The following BCAS3 variants were observed in gnomAD, a reference collection of about 807,000 sequenced individuals.
The protein encoded by BCAS3 is BCAS3 microtubule associated cell migration factor.
In BCAS3, 53 loss-of-function variants were observed where a neutral mutation model predicts 116.1. The ratio of observed to expected loss-of-function variants is 0.46; its 90% confidence interval spans 0.37 to 0.57. BCAS3 has a LOEUF of 0.57. Ranked by LOEUF, BCAS3 falls within the 20% of genes least tolerant of loss-of-function variation. BCAS3 has a pLI of 0.00. For missense variants in BCAS3, 917 were observed against 1,165.4 expected (o/e 0.79, Z 3.10); for synonymous variants, 391 against 408.2 (o/e 0.96, Z 0.51).
At position 61,069,834 on chromosome 17, in the gene BCAS3, T is replaced by TAA. The variant is rs746344496; in HGVS notation, c.2030-5066_2030-5065dup. The TAA allele has an allele frequency of 8.9e-3, 5,353 of 603,586 alleles. 64 individuals are homozygous for TAA. The highest frequency in any genetic ancestry group is 0.051 in the African/African-American group (1,892 of 37,370). 37.4% of individuals were successfully genotyped at this position (603,586 alleles called of 1,614,324 possible). ...CTGGGTAACAGAGTGAGACCCTGTG[T>TAA]AAAAAAAAAAAAAAAAAAAAAGACC... On this transcript the variant is annotated intron_variant, in intron 19 of 23. Coordinates refer to ENST00000407086, the MANE Select transcript of BCAS3 (RefSeq NM_017679.5).
chr17:61,110,327 G>A (rs1019149618), intron 22 of BCAS3, among the ~76,000 whole-genome samples: 1 of 152,212 alleles, frequency 6.6e-6, no homozygotes, highest in Non-Finnish European at 1.5e-5. Context: ...TTCCATCTGA[G>A]GTACCGGGTT....
At position 61,023,875 on chromosome 17, in the gene BCAS3, G is replaced by A. The variant is rs889416490; in HGVS notation, c.1637+7974G>A. 7.2e-5 allele frequency among the ~76,000 whole-genome samples: 11 copies of A among 152,070 alleles called. No individual in the cohort carries two copies. Among genetic ancestry groups the A allele is most frequent in the African/African-American group, 2.7e-4 (11 of 41,392 alleles). ...AAAGGATATAATTATGACAAATTGA[G>A]TAGGTTTTATATGGCATATTTGTTA... On this transcript the variant is annotated intron_variant, in intron 16 of 23. Coordinates refer to ENST00000407086, the MANE Select transcript of BCAS3 (RefSeq NM_017679.5). This position sits in a 1 kb window ranked among gnomAD's most constrained non-coding sequence, Gnocchi z 4.8.
rs974443532 is a variant in BCAS3, at chr17:61,388,438, A to T, written c.2594-3539A>T. ...TCCATCTCTGGGACCCCCAAGACAG[A>T]TTGGTCCCCAGCCCCTACACATGCA... On this transcript the variant is annotated intron_variant, in intron 23 of 23. Coordinates refer to ENST00000407086, the MANE Select transcript of BCAS3 (RefSeq NM_017679.5). The surrounding 1 kb of genome is among the most constrained non-coding windows in gnomAD (Gnocchi z 6.5). The T allele has an allele frequency of 3.5e-6, 2 of 577,268 alleles. No individual in the cohort carries two copies. Among genetic ancestry groups the T allele is most frequent in the East Asian group, 6.0e-5 (2 of 33,328 alleles). The allele number at this position is 577,268 out of a possible 1,614,324, so 35.8% of individuals were successfully genotyped here.
rs1352046120 is a variant in BCAS3 at position 61,302,609 on chromosome 17, T to C, written c.2426-65718T>C. Among the ~76,000 whole-genome samples, 2 of 152,212 alleles carry C rather than the reference T, an allele frequency of 1.3e-5. No individual in the cohort carries two copies. The highest frequency in any genetic ancestry group is 2.9e-5 in the Non-Finnish European group (2 of 68,038). ...AATATAATTACAAGGTGCATATCAT[T>C]ATTACTCCCATTTTCTTGCTAAGGA... is the stretch of plus-strand genomic sequence containing the variant. On this transcript the variant is annotated intron_variant, in intron 22 of 23. Coordinates refer to ENST00000407086, the MANE Select transcript of BCAS3 (RefSeq NM_017679.5). The surrounding 1 kb of genome is among the most constrained non-coding windows in gnomAD (Gnocchi z 4.4).
intron 19 of BCAS3, among the ~76,000 whole-genome samples, chr17:61,042,697 G>A (rs1288241053): frequency 6.6e-6 from 1 of 150,936 alleles, no homozygotes; most frequent in Admixed American, 6.6e-5. Context: ...AGACCAGCCT[G>A]GCCATCATGG....
chr17:61,386,982 C>G (rs1420435182), intron 23 of BCAS3, among the ~76,000 whole-genome samples: 1 of 152,080 alleles, frequency 6.6e-6, no homozygotes, highest in Non-Finnish European at 1.5e-5. Context: ...CTGTATTGCC[C>G]AAGATGGTCT....
chr17:60,704,047 T>C (rs780463826), intron 4 of BCAS3, among the ~76,000 whole-genome samples: 28 of 151,934 alleles, frequency 1.8e-4, no homozygotes, highest in Non-Finnish European at 3.4e-4. Context: ...AACTGGAGAA[T>C]TTAATGCCAG....
chr17:60,926,308 A>G (rs968166829), intron 13 of BCAS3, among the ~76,000 whole-genome samples: 1 of 152,200 alleles, frequency 6.6e-6, no homozygotes, highest in Non-Finnish European at 1.5e-5. Flanking sequence ...GGAGCATGCT[A>G]CTTTTAATCT....
chr17:60,900,395 TTGGGGA>T (rs2057807490), intron 10 of BCAS3, among the ~76,000 whole-genome samples: 1 of 151,858 alleles, frequency 6.6e-6, no homozygotes, highest in Non-Finnish European at 1.5e-5. Context: ...GGTTCCATGG[TTGGGGA>T]TGTGGGCCGC....
intron 7 of BCAS3, among the ~76,000 whole-genome samples, chr17:60,825,799 C>T (rs1355166983): frequency 1.3e-5 from 2 of 151,176 alleles, no homozygotes; most frequent in Non-Finnish European, 2.9e-5. Flanking sequence ...AAGCTCTGCC[C>T]TCATGACTTA....
rs7222506 is a variant in BCAS3 at position 61,020,879 on chromosome 17, G to A, written c.1637+4978G>A. Among the ~76,000 whole-genome samples, 15,472 of 152,120 alleles carry A rather than the reference G, an allele frequency of 0.1. 2,370 individuals are homozygous for A. Among genetic ancestry groups the A allele is most frequent in the African/African-American group, 0.34 (13,953 of 41,440 alleles). ...AAAAGAAGTCATGGTAGGTAGTTCC[G>A]TGGGAATAAAAAATATTAAAATTGA... On this transcript the variant is annotated intron_variant, in intron 16 of 23. Transcript: ENST00000407086. The surrounding 1 kb of genome is among the most constrained non-coding windows in gnomAD (Gnocchi z 4.5).
At chr17:61,094,208 AACT>A (rs1277465511) in intron 22 of BCAS3, among the ~76,000 whole-genome samples, 7 of 152,206 alleles carry the variant, frequency 4.6e-5, no homozygotes, top group South Asian at 4.1e-4. Context: ...AAAAATCATC[AACT>A]TTAATTTTAT....
chr17:61,076,460 G>A (rs1055593719), intron 20 of BCAS3, among the ~76,000 whole-genome samples: 1 of 152,212 alleles, frequency 6.6e-6, no homozygotes, highest in Non-Finnish European at 1.5e-5. Context: ...TGATTCTTCA[G>A]TTCCTGGCAT....
intron 19 of BCAS3, among the ~76,000 whole-genome samples, chr17:61,050,161 GTT>G (rs2068727348): frequency 1.3e-5 from 2 of 151,960 alleles, no homozygotes; most frequent in East Asian, 3.8e-4. Context: ...GCTTAAAGAA[GTT>G]ATCAGCTTCA....
chr17:60,899,096 A>G (rs573722455), intron 10 of BCAS3, among the ~76,000 whole-genome samples: 1 of 152,198 alleles, frequency 6.6e-6, no homozygotes, highest in East Asian at 1.9e-4. Context: ...GAGAGCAGAT[A>G]CCAGCCATGG....
intron 14 of BCAS3, among the ~76,000 whole-genome samples, chr17:60,989,278 A>AT: frequency 6.6e-6 from 1 of 152,074 alleles, no homozygotes; most frequent in South Asian, 2.1e-4. Flanking sequence ...GCTTTCTTTA[A>AT]TTTTTTTCTG....
intron 14 of BCAS3, among the ~76,000 whole-genome samples, chr17:60,968,007 G>T (rs1378740983): frequency 6.6e-6 from 1 of 151,578 alleles, no homozygotes; most frequent in African/African-American, 2.4e-5. Flanking sequence ...TCTTAAAACT[G>T]CTATTTTGAA....
At chr17:61,263,630 A>G (rs1167694778) in intron 22 of BCAS3, among the ~76,000 whole-genome samples, 1 of 152,258 alleles carries the variant, frequency 6.6e-6, no homozygotes, top group East Asian at 1.9e-4. Flanking sequence ...TTCATGTGGA[A>G]GATCGGAGGA....
intron 4 of BCAS3, among the ~76,000 whole-genome samples, chr17:60,703,916 C>CAAAAAA (rs539490885): frequency 1.4e-5 from 1 of 71,470 alleles, no homozygotes; most frequent in African/African-American, 6.4e-5. Flanking sequence ...GACACCGTCT[C>CAAAAAA]AAAAAAAAAA....
Sources: gnomAD v4.1 joint callset for allele counts (sites outside exome capture counted in the v4.1 genomes callset) on GRCh38, gnomAD v4.1.1 for gene constraint, Gnocchi (gnomAD v3.1) non-coding constraint, MANE v1.5 for transcripts, NCBI Gene and HGNC (gene_info 2026-07-23, HGNC 2026-07-21) for gene names.